The following RAP1GDS1 variants were observed in gnomAD, a reference collection of about 807,000 sequenced individuals.
The protein encoded by RAP1GDS1 is Rap1 GTPase-GDP dissociation stimulator 1.
Under a neutral mutation model 71.1 loss-of-function variants are expected in RAP1GDS1, and 35 were observed. The observed-to-expected ratio is 0.49, with a 90% confidence interval of 0.38 to 0.65. RAP1GDS1 has a LOEUF of 0.65. RAP1GDS1 is among the 30% of genes least tolerant of loss of function. The probability of loss-of-function intolerance (pLI) is 0.00; values close to 1 mark genes in which losing one functional copy is unlikely to be tolerated. For synonymous variants in RAP1GDS1, 229 were observed against 243.1 expected, an observed-to-expected ratio of 0.94 and a Z score of 0.54; for missense variants, 663 against 706.1, an observed-to-expected ratio of 0.94 and a Z score of 0.69.
At chr4:98,358,588 A>G (rs1347580509) in intron 4 of RAP1GDS1, among the ~76,000 whole-genome samples, 1 of 152,022 alleles carries the variant, frequency 6.6e-6, no homozygotes, top group African/African-American at 2.4e-5. Context: ...TCTTGAGACC[A>G]AAAACCATGT....
intron 1 of RAP1GDS1, among the ~76,000 whole-genome samples, chr4:98,269,173 CAAAAAAAAAAAA>C (rs56015226): frequency 1.8e-5 from 1 of 56,876 alleles, no homozygotes; most frequent in East Asian, 5.5e-4. Flanking sequence ...AATTGATCTT[CAAAAAAAAAAAA>C]AAAAAAAAAA....
At chr4:98,400,845 T>C (rs1745308972) in intron 6 of RAP1GDS1, among the ~76,000 whole-genome samples, 1 of 152,186 alleles carries the variant, frequency 6.6e-6, no homozygotes, top group African/African-American at 2.4e-5. Context: ...TGTCAAATAA[T>C]TACACTTTTT....
rs397994660 is a variant in RAP1GDS1, at chr4:98,443,015, A to ATTTTTTTTTTTT, written c.*910_*921dup. On this transcript the variant is annotated 3_prime_UTR_variant, in exon 15 of 15. Coordinates refer to ENST00000408927, the MANE Select transcript of RAP1GDS1 (RefSeq NM_001100427.2). Reference sequence around the variant, plus strand: ...TGAGTATAGTTCATTGAAGAATGGAATTTTTTTTTTTTTTTTTTTTTTTGC... The same window carrying ATTTTTTTTTTTT: ...TGAGTATAGTTCATTGAAGAATGGAATTTTTTTTTTTTTTTTTTTTTTTTTTTTTTTTTTTGC... The ATTTTTTTTTTTT allele has an allele frequency of 8.0e-5, 11 of 138,312 alleles. No homozygotes were observed. The highest frequency in any genetic ancestry group is 2.8e-4 in the African/African-American group (7 of 25,350). 8.6% of individuals were successfully genotyped at this position (138,312 alleles called of 1,614,324 possible).
chr4:98,396,527 A>AAGAT (rs1744575252), intron 6 of RAP1GDS1: 1 of 152,204 alleles, frequency 6.6e-6, no homozygotes, highest in Admixed American at 6.5e-5. Context: ...TCTATGTTAA[A>AAGAT]AGATAAATAT....
At chr4:98,288,278 G>A (rs12512117) in intron 1 of RAP1GDS1, among the ~76,000 whole-genome samples, 21,627 of 151,974 alleles carry the variant, frequency 0.14, 2,249 homozygotes, top group African/African-American at 0.29. Context: ...GAGAACATGC[G>A]GTGTTTGGTT....
At chr4:98,425,690 TA>T (rs1749514228) in intron 12 of RAP1GDS1, among the ~76,000 whole-genome samples, 1 of 152,128 alleles carries the variant, frequency 6.6e-6, no homozygotes, top group South Asian at 2.1e-4. Flanking sequence ...ATCCTGAATA[TA>T]TATGCACCAA....
chr4:98,348,730 T>C (rs1736689889), intron 3 of RAP1GDS1, among the ~76,000 whole-genome samples: 1 of 152,218 alleles, frequency 6.6e-6, no homozygotes, highest in Admixed American at 6.5e-5. Context: ...ATGATGAGCA[T>C]TTTTTCATGT....
At chr4:98,421,161 T>C in intron 11 of RAP1GDS1, 94 bp from the exon 12 acceptor site, 2 of 1,314,506 alleles carry the variant, frequency 1.5e-6, no homozygotes, top group Non-Finnish European at 1.0e-6. Context: ...TGCTGTGTTT[T>C]TTTAGACGTC....
At chr4:98,386,006 G>C (rs1742689445) in intron 5 of RAP1GDS1, among the ~76,000 whole-genome samples, 1 of 151,466 alleles carries the variant, frequency 6.6e-6, no homozygotes, top group Admixed American at 6.6e-5. Context: ...GACTGAATTG[G>C]TTTCTCTTAA....
intron 8 of RAP1GDS1, 69 bp from the exon 9 acceptor site, chr4:98,417,298 C>A: frequency 1.4e-6 from 2 of 1,461,510 alleles, no homozygotes; most frequent in African/African-American, 1.4e-5. Context: ...GGATATTCAC[C>A]TAAGAATGTG....
chr4:98,338,276 A>G (rs368670571), intron 2 of RAP1GDS1, among the ~76,000 whole-genome samples: 2 of 152,114 alleles, frequency 1.3e-5, no homozygotes, highest in East Asian at 1.9e-4. Flanking sequence ...GACCAAAATG[A>G]ATTTAAAGGA....
At chr4:98,293,657 G>A in intron 2 of RAP1GDS1, 142 bp downstream of exon 2, 1 of 663,428 alleles carries the variant, frequency 1.5e-6, no homozygotes, top group Non-Finnish European at 2.6e-6. Context: ...TACTGAGATT[G>A]TTTTACATGT....
chr4:98,269,713 C>G (rs762763332), intron 1 of RAP1GDS1, among the ~76,000 whole-genome samples: 4 of 152,110 alleles, frequency 2.6e-5, no homozygotes, highest in Non-Finnish European at 5.9e-5. Flanking sequence ...TGACATGACA[C>G]TCAAAGGAAA....
intron 2 of RAP1GDS1, among the ~76,000 whole-genome samples, chr4:98,317,999 C>A (rs983814028): frequency 6.6e-6 from 1 of 151,808 alleles, no homozygotes; most frequent in African/African-American, 2.4e-5. Flanking sequence ...CACACCACCA[C>A]GCCCGGCTAA....
chr4:98,428,789 T>A (rs1475738715), intron 12 of RAP1GDS1, among the ~76,000 whole-genome samples: 1 of 152,208 alleles, frequency 6.6e-6, no homozygotes, highest in Non-Finnish European at 1.5e-5. Context: ...TGGAGATTCC[T>A]TGAAGAACTA....
intron 2 of RAP1GDS1, among the ~76,000 whole-genome samples, chr4:98,310,234 A>G (rs887012570): frequency 6.6e-6 from 1 of 152,100 alleles, no homozygotes; most frequent in African/African-American, 2.4e-5. Context: ...ACATTGTGCT[A>G]TCTCACAATA....
intron 5 of RAP1GDS1, among the ~76,000 whole-genome samples, chr4:98,388,733 T>A (rs1000823565): frequency 4.6e-5 from 7 of 151,744 alleles, no homozygotes; most frequent in African/African-American, 1.2e-4. Context: ...CTCAAAAATT[T>A]TTTTTTTTAA....
At chr4:98,304,713 C>A (rs1729076531) in intron 2 of RAP1GDS1, among the ~76,000 whole-genome samples, 1 of 152,020 alleles carries the variant, frequency 6.6e-6, no homozygotes, top group South Asian at 2.1e-4. Flanking sequence ...TCCCATTTGT[C>A]AATTTTTGCT....
intron 3 of RAP1GDS1, among the ~76,000 whole-genome samples, chr4:98,351,476 C>G (rs182286697): frequency 6.6e-6 from 1 of 152,016 alleles, no homozygotes; most frequent in Non-Finnish European, 1.5e-5. Flanking sequence ...ACCTGTGGAA[C>G]AAACCAAGGG....
Sources: gnomAD v4.1 joint callset for allele counts (sites outside exome capture counted in the v4.1 genomes callset) on GRCh38, gnomAD v4.1.1 for gene constraint, MANE v1.5 for transcripts, NCBI Gene and HGNC (gene_info 2026-07-23, HGNC 2026-07-21) for gene names.